RBM5: variants seen among roughly 807,000 people sequenced by gnomAD.
The protein encoded by RBM5 is RNA binding motif protein 5.
A neutral mutation model predicts 124.6 loss-of-function variants in RBM5; 15 were observed. That is an observed-to-expected ratio of 0.12 (90% CI 0.08 to 0.19). The LOEUF (loss-of-function observed/expected upper bound fraction) is 0.19. Among genes scored for constraint, RBM5 ranks in the 10% least tolerant of loss-of-function variants. The pLI is 1.00. For missense variants in RBM5, 580 were observed against 1,026.5 expected, an observed-to-expected ratio of 0.57 and a Z score of 5.94; for synonymous variants, 337 against 361.2, an observed-to-expected ratio of 0.93 and a Z score of 0.76.
chr3:50,108,161 A>G lies in RBM5; in HGVS notation c.1119+14A>G. 6.2e-7 allele frequency: 1 copy of G among 1,604,622 alleles called. No homozygotes were observed. The highest frequency in any genetic ancestry group is 1.3e-5 in the African/African-American group (1 of 74,828). ...CAATATGCTCAGGTAGGTAGATTTT[A>G]GCAGCATCCACCTTATAGTCTTGCA... On this transcript the variant is annotated intron_variant, in intron 13 of 24. Transcript: ENST00000347869.
In RBM5 at chr3:50,100,813, A is replaced by G. The variant is rs2090923309; in HGVS notation, c.483+208A>G. 8.9e-6 allele frequency: 4 copies of G among 451,848 alleles called. No homozygotes were observed. In the Admixed American group the frequency reaches 1.1e-4, roughly 12 times the overall value. 28.0% of individuals were successfully genotyped at this position (451,848 alleles called of 1,614,324 possible). On this transcript the variant is annotated intron_variant, in intron 6 of 24. Transcript: ENST00000347869. This position sits in a 1 kb window ranked among gnomAD's most constrained non-coding sequence, Gnocchi z 5.1. Reference sequence around the variant, plus strand: ...GTTCTGCCTTTAAACATGGCTACCTACCTGGCAGGGCTTTGTTAACTACTG... The same window carrying G: ...GTTCTGCCTTTAAACATGGCTACCTGCCTGGCAGGGCTTTGTTAACTACTG...
chr3:50,104,481 A>G (rs1258439453), intron 8 of RBM5, 173 bp downstream of exon 8: 1 of 612,826 alleles, frequency 1.6e-6, no homozygotes, highest in Non-Finnish European at 2.9e-6. Context: ...TGTACAAAAA[A>G]AGAAATTTTA....
intron 2 of RBM5, among the ~76,000 whole-genome samples, chr3:50,091,814 G>A (rs1255334733): frequency 6.6e-6 from 1 of 152,146 alleles, no homozygotes; most frequent in Non-Finnish European, 1.5e-5. Flanking sequence ...CAACCCAAAT[G>A]TTTATTTCAG....
rs573048408 is a variant in RBM5, at chr3:50,092,156, A to G, written c.131A>G (p.Asp44Gly). The G allele has an allele frequency of 6.2e-7, 1 of 1,614,078 alleles. No homozygotes were observed. Among genetic ancestry groups the G allele is most frequent in the East Asian group, 2.2e-5 (1 of 44,882 alleles). The change falls in exon 3 of 25, where the codon GAT (aspartate) becomes GGT (glycine). Residue 44 changes from aspartate (D) to glycine (G), a missense_variant. Asp to Gly is a moderately conservative substitution (Grantham distance 94, BLOSUM62 -1). Transcript: ENST00000347869. ...GACTCAGATTACAAAAGATCTAGTG[A>G]TGATCGGAGGGGTGATAGATATGAT... Reference protein sequence around the residue: ...RRDSDYKRSSDDRRGDRYDDY... With the variant: ...RRDSDYKRSSGDRRGDRYDDY...
chr3:50,114,634 G>C (rs1374842228), intron 20 of RBM5: 2 of 189,898 alleles, frequency 1.1e-5, no homozygotes, highest in African/African-American at 2.4e-5. Context: ...TCAGTGGTTT[G>C]AAAATAGTCA....
intron 17 of RBM5, 85 bp from the exon 18 acceptor site, chr3:50,113,298 A>G (rs2091182315): frequency 7.1e-7 from 1 of 1,417,410 alleles, no homozygotes; most frequent in South Asian, 1.3e-5. Flanking sequence ...TCCACAACAT[A>G]CTTTATCTTT....
In RBM5 at chr3:50,105,675, G is replaced by A; in HGVS notation, c.821G>A (p.Arg274Lys). Residue 274 changes from arginine (R) to lysine (K), a missense_variant, in exon 10 of 25, where the codon AGA becomes AAA. Arg to Lys is a conservative substitution (Grantham distance 26, BLOSUM62 2). Transcript: ENST00000347869. ...AAAGACAAACAGACCCAGCAGAACAGAGGCTTCGCATTTGTGCAGCTGTCC... is the reference window on the plus strand; with the variant it reads ...AAAGACAAACAGACCCAGCAGAACAAAGGCTTCGCATTTGTGCAGCTGTCC... The part of the protein sequence containing the change: ...LIKDKQTQQN[R>K]GFAFVQLSSA... 1 of 1,614,214 alleles carries A rather than the reference G, an allele frequency of 6.2e-7. No homozygotes were observed. The highest frequency in any genetic ancestry group is 8.5e-7 in the Non-Finnish European group (1 of 1,180,032).
chr3:50,109,548 G>A (rs1344565955), intron 14 of RBM5, 55 bp from the exon 15 acceptor site: 3 of 1,416,654 alleles, frequency 2.1e-6, no homozygotes, highest in Non-Finnish European at 3.0e-6. Flanking sequence ...AAATAAAGAT[G>A]TTTGGGTTGG....
Position 50,110,440 on chromosome 3 carries a change from G to C in RBM5, c.1340G>C (p.Gly447Ala). ...STQAPAASPT[G>A]VVPGTKYAVP... Reference sequence around the variant, plus strand: ...CAGGCCCCAGCCGCTTCCCCTACTGGTGTAGTTCCTGGTACCAAATATGGT... The same window carrying C: ...CAGGCCCCAGCCGCTTCCCCTACTGCTGTAGTTCCTGGTACCAAATATGGT... The change falls in exon 16 of 25, where the codon GGT (glycine) becomes GCT (alanine). Residue 447 changes from glycine to alanine, a missense_variant. Gly to Ala is a moderately conservative substitution (Grantham distance 60). This residue lies in a region of RBM5 where 104 missense variants were observed against 128.7 expected (regional missense o/e 0.81). Transcript: ENST00000347869. 1 of 1,614,170 alleles carries C rather than the reference G, an allele frequency of 6.2e-7. No individual in the cohort carries two copies. Among genetic ancestry groups the C allele is most frequent in the Non-Finnish European group, 8.5e-7 (1 of 1,180,010 alleles).
chr3:50,099,786 C>G (rs1210449615), intron 4 of RBM5, 196 bp from the exon 5 acceptor site: 6 of 432,348 alleles, frequency 1.4e-5, no homozygotes, highest in Non-Finnish European at 2.5e-5. Flanking sequence ...TGCTTGAACC[C>G]AGGAGGTGGT....
In RBM5 at chr3:50,092,092, G is replaced by A. The variant is rs1407955338; in HGVS notation, c.67G>A (p.Asp23Asn). 3.1e-6 allele frequency: 5 copies of A among 1,614,096 alleles called. No homozygotes were observed. The highest frequency in any genetic ancestry group is 3.4e-6 in the Non-Finnish European group (4 of 1,179,970). The change falls in exon 3 of 25, where the codon GAT (aspartate) becomes AAT (asparagine). Residue 23 changes from aspartate (D) to asparagine (N), a missense_variant. By Grantham distance (23) the Asp-to-Asn change is conservative. Transcript: ENST00000347869. ...SGRYGSIIDR[D>N]DRDERESRSR... ...AAGATACGGTTCCATCATAGACAGGGATGACCGTGATGAGCGTGAATCCCG... is the reference window on the plus strand; with the variant it reads ...AAGATACGGTTCCATCATAGACAGGAATGACCGTGATGAGCGTGAATCCCG...
Position 50,090,439 on chromosome 3 carries a change from G to C in RBM5, c.5G>C (p.Gly2Ala). 6.2e-7 allele frequency: 1 copy of C among 1,614,036 alleles called. No individual in the cohort carries two copies. Among genetic ancestry groups the C allele is most frequent in the Non-Finnish European group, 8.5e-7 (1 of 1,179,970 alleles). Residue 2 changes from glycine (G) to alanine (A), a missense_variant, in exon 2 of 25, where the codon GGT becomes GCT. By Grantham distance (60) the Gly-to-Ala change is moderately conservative. Transcript: ENST00000347869. ...TGCTAAATCTTCAGTGGGACAATGGGTTCAGACAAAAGGTAAGTTACTACA... is the reference window on the plus strand; with the variant it reads ...TGCTAAATCTTCAGTGGGACAATGGCTTCAGACAAAAGGTAAGTTACTACA... M[G>A]SDKRVSRTER...
chr3:50,093,965 T>A, intron 4 of RBM5, 90 bp downstream of exon 4: 2 of 1,438,482 alleles, frequency 1.4e-6, no homozygotes, highest in Non-Finnish European at 1.9e-6. Flanking sequence ...TTGTTTTATC[T>A]TAAGCCAATA....
At position 50,114,038 on chromosome 3, in the gene RBM5, G is replaced by A. The variant is rs200794643; in HGVS notation, c.1706G>A (p.Arg569Lys). 5.0e-6 allele frequency: 8 copies of A among 1,614,190 alleles called. No homozygotes were observed. The highest frequency in any genetic ancestry group is 1.7e-5 in the Admixed American group (1 of 60,024). Residue 569 changes from arginine to lysine, a missense_variant, in exon 19 of 25, where the codon AGG (arginine) becomes AAG (lysine). By Grantham distance (26) the Arg-to-Lys change is conservative. Coordinates refer to ENST00000347869, the MANE Select transcript of RBM5 (RefSeq NM_005778.4). ...KNSFQPVNSLREEERRESAAA... is the reference protein window; with the variant it reads ...KNSFQPVNSLKEEERRESAAA... Reference sequence around the variant, plus strand: ...AGCTTTCAGCCTGTCAATTCCTTGAGGGAAGAAGAAAGGAGAGAATCTGCT... The same window carrying A: ...AGCTTTCAGCCTGTCAATTCCTTGAAGGAAGAAGAAAGGAGAGAATCTGCT...
intron 15 of RBM5, 102 bp from the exon 16 acceptor site, chr3:50,110,277 T>G: frequency 1.1e-6 from 1 of 934,436 alleles, no homozygotes; most frequent in Non-Finnish European, 1.7e-6. Context: ...ATTGCTACAG[T>G]GTGTCTGTCA....
In RBM5 at chr3:50,107,708, C is replaced by CA. The variant is rs1479204981; in HGVS notation, c.1041+140dup. On this transcript the variant is annotated intron_variant, in intron 12 of 24. Transcript: ENST00000347869. ...TTTTTTTTTTTTTTTTTTTTTGAGACAGAGTATCACTCTCGTCACCCGGGC... is the reference window on the plus strand; with the variant it reads ...TTTTTTTTTTTTTTTTTTTTTGAGACAAGAGTATCACTCTCGTCACCCGGGC... 3 of 291,050 alleles carry CA rather than the reference C, an allele frequency of 1.0e-5. No homozygotes were observed. In the East Asian group the frequency reaches 1.5e-4, roughly 15 times the overall value. 18.0% of individuals were successfully genotyped at this position (291,050 alleles called of 1,614,324 possible). A position where few individuals can be genotyped will look rare whatever the true frequency, so the allele number is the denominator to read the frequency against.
intron 9 of RBM5, 61 bp downstream of exon 9, chr3:50,105,203 T>C: frequency 7.3e-7 from 1 of 1,370,798 alleles, no homozygotes; most frequent in Admixed American, 1.7e-5. Flanking sequence ...TGTCAGGAGA[T>C]GGAGACCATC....
intron 8 of RBM5, chr3:50,104,668 C>G: frequency 3.8e-6 from 1 of 265,402 alleles, no homozygotes; most frequent in Non-Finnish European, 7.2e-6. Flanking sequence ...AAAAATCTGA[C>G]AAATAGGGTT....
At chr3:50,111,931 A>G (rs1196344730) in intron 17 of RBM5, 1 of 152,088 alleles carries the variant, frequency 6.6e-6, no homozygotes, top group African/African-American at 2.4e-5. Flanking sequence ...TGGCATTGAT[A>G]GGTTGTGGTT....
Sources: allele counts gnomAD v4.1 joint callset (sites outside exome capture counted in the v4.1 genomes callset), GRCh38; gene constraint gnomAD v4.1.1; regional missense constraint gnomAD v4.1.1; non-coding constraint Gnocchi (gnomAD v3.1); transcripts MANE v1.5; gene names NCBI Gene and HGNC (gene_info 2026-07-23, HGNC 2026-07-21).